Variants in UNC5C observed in about 807,000 individuals in gnomAD.
UNC5C encodes the protein netrin receptor UNC5C.
In UNC5C, 47 loss-of-function variants were observed where a neutral mutation model predicts 99.8. The observed-to-expected ratio is 0.47, with a 90% CI of 0.37 to 0.60. UNC5C has a LOEUF of 0.60. Among genes scored for constraint, UNC5C ranks in the 20% least tolerant of loss-of-function variants. The pLI, the probability that UNC5C is intolerant of heterozygous loss-of-function variation, is 0.00. For synonymous variants in UNC5C, 487 were observed against 452.2 expected, an observed-to-expected ratio of 1.08 and a Z score of -0.98; for missense variants, 1,062 against 1,165.9, an observed-to-expected ratio of 0.91 and a Z score of 1.30.
intron 1 of UNC5C, among the ~76,000 whole-genome samples, chr4:95,376,787 C>G (rs1744908907): frequency 6.6e-6 from 1 of 152,132 alleles, no homozygotes; most frequent in South Asian, 2.1e-4. Context: ...CACTCTACAT[C>G]CATCCAATAT....
At position 95,242,565 on chromosome 4, in the gene UNC5C, C is replaced by T. The variant is rs1411388368; in HGVS notation, c.972G>A (p.Lys324=). Residue 324 remains lysine, a synonymous_variant, in exon 7 of 16, where the codon AAG becomes AAA. Coordinates refer to ENST00000453304, the MANE Select transcript of UNC5C (RefSeq NM_003728.4). ...TGCACTCAGTTCCACAAGTAGACCA[C>T]TTGCTCCATGGCGTCCACCTGCCAT... is the stretch of plus-strand genomic sequence containing the variant. ...PVDGRWTPWS[K]WSTCGTECTH... 6.2e-7 allele frequency: 1 copy of T among 1,600,326 alleles called. No homozygotes were observed. The highest frequency in any genetic ancestry group is 8.5e-7 in the Non-Finnish European group (1 of 1,172,700).
chr4:95,240,938 T>C (rs892573601), intron 7 of UNC5C, among the ~76,000 whole-genome samples: 18 of 152,108 alleles, frequency 1.2e-4, no homozygotes, highest in African/African-American at 3.9e-4. Context: ...TTTGTAAATA[T>C]GCACAATGGA....
chr4:95,479,100 C>G (rs1476334448), intron 1 of UNC5C, among the ~76,000 whole-genome samples: 1 of 151,964 alleles, frequency 6.6e-6, no homozygotes, highest in African/African-American at 2.4e-5. Flanking sequence ...ATTACCCAGC[C>G]TCAGGTACTC....
intron 1 of UNC5C, among the ~76,000 whole-genome samples, chr4:95,509,908 C>T (rs10516977): frequency 0.068 from 10,307 of 151,820 alleles, 826 homozygotes; most frequent in African/African-American, 0.19. Context: ...AAGAAGAGTG[C>T]GTTTGCGTTT....
intron 1 of UNC5C, among the ~76,000 whole-genome samples, chr4:95,409,916 T>C (rs1745931292): frequency 6.6e-6 from 1 of 152,122 alleles, no homozygotes; most frequent in Non-Finnish European, 1.5e-5. Context: ...TGGCCTGACA[T>C]CAATGAGGGG....
chr4:95,395,340 TC>T (rs142437449), intron 1 of UNC5C, among the ~76,000 whole-genome samples: 20,115 of 152,226 alleles, frequency 0.13, 1,631 homozygotes, highest in African/African-American at 0.22. Flanking sequence ...AAAGCTATTT[TC>T]CTTTTGCACA....
At chr4:95,301,195 A>T (rs867608217) in intron 3 of UNC5C, among the ~76,000 whole-genome samples, 1 of 125,846 alleles carries the variant, frequency 7.9e-6, no homozygotes, top group Non-Finnish European at 1.6e-5. Context: ...TTTTTCCAGG[A>T]TTTTTTTTTT....
At chr4:95,272,201 T>A (rs1418415250) in intron 4 of UNC5C, among the ~76,000 whole-genome samples, 1 of 152,232 alleles carries the variant, frequency 6.6e-6, no homozygotes, top group Non-Finnish European at 1.5e-5. Context: ...TTATTGTTTT[T>A]CTCCTCGAGG....
At chr4:95,218,844 T>G (rs756667326) in intron 9 of UNC5C, 125 bp downstream of exon 9, 1 of 891,912 alleles carries the variant, frequency 1.1e-6, no homozygotes, top group Middle Eastern at 2.3e-4. Context: ...GAAAGTAGAT[T>G]TGGGCTGGAT....
intron 3 of UNC5C, among the ~76,000 whole-genome samples, chr4:95,280,622 G>C (rs539860363): frequency 6.6e-6 from 1 of 151,820 alleles, no homozygotes; most frequent in Non-Finnish European, 1.5e-5. Context: ...CCAGGAGGCG[G>C]AGGTTGCAGC....
intron 1 of UNC5C, among the ~76,000 whole-genome samples, chr4:95,462,832 C>T (rs1747645386): frequency 6.6e-6 from 1 of 152,102 alleles, no homozygotes; most frequent in Non-Finnish European, 1.5e-5. Flanking sequence ...TTCTCTAGAT[C>T]CTTTGATTAA....
chr4:95,251,036 G>A (rs190900118), intron 4 of UNC5C, among the ~76,000 whole-genome samples: 38 of 152,248 alleles, frequency 2.5e-4, no homozygotes, highest in South Asian at 2.1e-3. Flanking sequence ...TAGGATAAGC[G>A]TTTCAAACTG....
At chr4:95,176,136 A>G (rs1024796474) in intron 14 of UNC5C, among the ~76,000 whole-genome samples, 7 of 150,852 alleles carry the variant, frequency 4.6e-5, no homozygotes, top group Admixed American at 1.3e-4. Context: ...TTCTAGTTAT[A>G]CATTCTTCTA....
chr4:95,435,710 C>A (rs985830208), intron 1 of UNC5C, among the ~76,000 whole-genome samples: 9 of 152,082 alleles, frequency 5.9e-5, no homozygotes, highest in African/African-American at 2.2e-4. Context: ...CCTTCCACCT[C>A]TTCACAGTAA....
chr4:95,340,789 C>G (rs1743540621), intron 1 of UNC5C, among the ~76,000 whole-genome samples: 1 of 152,072 alleles, frequency 6.6e-6, no homozygotes, highest in Admixed American at 6.6e-5. Context: ...CCCGCTTAAG[C>G]CTTCATGAAC....
chr4:95,345,442 A>G (rs1266824736), intron 1 of UNC5C, among the ~76,000 whole-genome samples: 2 of 151,978 alleles, frequency 1.3e-5, no homozygotes, highest in Non-Finnish European at 2.9e-5. Context: ...AATATTGCAC[A>G]GATCATCCAG....
At chr4:95,224,603 A>AATTCATTC (rs35707866) in intron 7 of UNC5C, among the ~76,000 whole-genome samples, 7,716 of 150,936 alleles carry the variant, frequency 0.051, 299 homozygotes, top group African/African-American at 0.1. Context: ...ACAGAATTGG[A>AATTCATTC]ATTCATTCAT....
intron 3 of UNC5C, among the ~76,000 whole-genome samples, chr4:95,288,528 C>T (rs1458662032): frequency 6.6e-6 from 1 of 152,194 alleles, no homozygotes; most frequent in Non-Finnish European, 1.5e-5. Flanking sequence ...GTGGAAATTT[C>T]CACAAACTTC....
chr4:95,333,362 A>G (rs1278547851), intron 2 of UNC5C, among the ~76,000 whole-genome samples: 2 of 152,222 alleles, frequency 1.3e-5, no homozygotes, highest in Non-Finnish European at 2.9e-5. Flanking sequence ...AAAATGTGGC[A>G]TATATACACC....
Sources: gnomAD v4.1 joint callset for allele counts (sites outside exome capture counted in the v4.1 genomes callset) on GRCh38, gnomAD v4.1.1 for gene constraint, MANE v1.5 for transcripts, NCBI Gene and HGNC (gene_info 2026-07-23, HGNC 2026-07-21) for gene names.